Variants in DEUP1 observed in about 807,000 individuals in gnomAD.
DEUP1 encodes the protein coiled-coil domain containing 67.
DEUP1 carries 82 observed loss-of-function variants against 87.4 expected under a neutral mutation model. The ratio of observed to expected loss-of-function variants is 0.94; its 90% CI spans 0.78 to 1.13. The LOEUF is 1.13. Ranked by LOEUF, DEUP1 falls within the 50% of genes most tolerant of loss-of-function variation. The pLI is 0.00. For missense variants in DEUP1, 663 were observed against 681.5 expected, an observed-to-expected ratio of 0.97 and a Z score of 0.30; for synonymous variants, 214 against 222.7, an observed-to-expected ratio of 0.96 and a Z score of 0.35.
In DEUP1 at chr11:93,371,085, C is replaced by G; in HGVS notation, c.594C>G (p.Cys198Trp). Reference sequence around the variant, plus strand: ...CTCAACTAAATGGTAAAAAACAGTGCTTAGAAGACAGCAGCTCTGAAATTC... The same window carrying G: ...CTCAACTAAATGGTAAAAAACAGTGGTTAGAAGACAGCAGCTCTGAAATTC... ...YQTQLNGKKQ[C>W]LEDSSSEIPR... Residue 198 changes from cysteine to tryptophan, a missense_variant, in exon 7 of 14, where the codon TGC becomes TGG. By Grantham distance (215) the Cys-to-Trp change is radical (BLOSUM62 -2). Transcript: ENST00000298050. 1 of 1,612,220 alleles carries G rather than the reference C, an allele frequency of 6.2e-7. No individual in the cohort carries two copies. The highest frequency in any genetic ancestry group is 8.5e-7 in the Non-Finnish European group (1 of 1,178,898).
In DEUP1 at chr11:93,418,948, T is replaced by C. The variant is rs572259978; in HGVS notation, c.1638+3834T>C. Among the ~76,000 whole-genome samples, 1,151 of 149,622 alleles carry C rather than the reference T, an allele frequency of 7.7e-3. 15 individuals carry two copies. Among genetic ancestry groups the C allele is most frequent in the African/African-American group, 0.027 (1,072 of 40,272 alleles). On this transcript the variant is annotated intron_variant, in intron 13 of 13. Transcript: ENST00000298050. ...ATCGCAAGAACAAAAAACCAAACAC[T>C]GCATATTCTCACTCATAGGTGGGAA...
intron 4 of DEUP1, among the ~76,000 whole-genome samples, chr11:93,359,671 C>G (rs920099756): frequency 3.3e-5 from 5 of 152,068 alleles, no homozygotes; most frequent in Admixed American, 2.6e-4. Context: ...CTCTCTCCAG[C>G]CAAAAGACCA....
chr11:93,368,297 C>T (rs922250778), intron 5 of DEUP1, among the ~76,000 whole-genome samples: 1 of 152,214 alleles, frequency 6.6e-6, no homozygotes, highest in African/African-American at 2.4e-5. Context: ...GCATAAACAA[C>T]AGACATTTAT....
intron 7 of DEUP1, among the ~76,000 whole-genome samples, chr11:93,377,789 G>A (rs1946107812): frequency 6.6e-6 from 1 of 152,060 alleles, no homozygotes; most frequent in South Asian, 2.1e-4. Flanking sequence ...GCCTTTTAAT[G>A]TTGGCTTGGT....
chr11:93,350,007 C>A (rs1379592479), intron 2 of DEUP1, among the ~76,000 whole-genome samples: 1 of 152,032 alleles, frequency 6.6e-6, no homozygotes, highest in Non-Finnish European at 1.5e-5. Context: ...AAGTGGGGCA[C>A]CCTAGGGGAT....
At chr11:93,373,625 G>GTATATATATATATATATATATATATATA (rs1555048258) in intron 7 of DEUP1, among the ~76,000 whole-genome samples, 1 of 67,002 alleles carries the variant, frequency 1.5e-5, no homozygotes, top group African/African-American at 4.1e-5. Flanking sequence ...ATATATATAC[G>GTATATATATATATATATATATATATATA]TATATATATA....
chr11:93,345,931 A>G lies in DEUP1; in HGVS notation c.30-9440A>G, dbSNP rs144274450. On this transcript the variant is annotated intron_variant, in intron 2 of 13. Transcript: ENST00000298050. Reference sequence around the variant, plus strand: ...TGTCTTTGTTATGAAATTTTGGCCTATTCCTATGTCTAGAATAGTGATGCC... The same window carrying G: ...TGTCTTTGTTATGAAATTTTGGCCTGTTCCTATGTCTAGAATAGTGATGCC... 9.3e-3 allele frequency among the ~76,000 whole-genome samples: 1,420 copies of G among 152,180 alleles called. 9 individuals carry two copies. The highest frequency in any genetic ancestry group is 0.015 in the Non-Finnish European group (992 of 67,996).
At chr11:93,384,781 T>C (rs1439070299) in intron 7 of DEUP1, among the ~76,000 whole-genome samples, 4 of 152,260 alleles carry the variant, frequency 2.6e-5, no homozygotes, top group African/African-American at 9.6e-5. Flanking sequence ...TATGTTTCAT[T>C]CTTTCATATT....
chr11:93,386,262 T>TG (rs1214668209), intron 8 of DEUP1, among the ~76,000 whole-genome samples: 1 of 152,164 alleles, frequency 6.6e-6, no homozygotes, highest in Non-Finnish European at 1.5e-5. Flanking sequence ...AAACAGATTT[T>TG]TTTTTCTCTT....
At chr11:93,352,608 AGAT>A in intron 2 of DEUP1, 1 of 586,308 alleles carries the variant, frequency 1.7e-6, no homozygotes, top group Admixed American at 2.7e-5. Flanking sequence ...CTGCTGATAA[AGAT>A]GTACCTGAGA....
chr11:93,430,375 C>T (rs192110840), intron 13 of DEUP1, among the ~76,000 whole-genome samples: 27 of 152,064 alleles, frequency 1.8e-4, no homozygotes, highest in African/African-American at 5.3e-4. Context: ...GTGATATATA[C>T]ATACAATGGA....
chr11:93,397,201 T>C (rs1326989273), intron 11 of DEUP1, among the ~76,000 whole-genome samples: 1 of 152,194 alleles, frequency 6.6e-6, no homozygotes, highest in African/African-American at 2.4e-5. Context: ...CTCCTTAAGC[T>C]ATGATACTAT....
chr11:93,360,012 C>T (rs1358553369), intron 4 of DEUP1, among the ~76,000 whole-genome samples: 1 of 152,120 alleles, frequency 6.6e-6, no homozygotes. Context: ...GGCACCTCTC[C>T]CTGTCTACTC....
chr11:93,408,569 A>T, intron 12 of DEUP1, 142 bp downstream of exon 12: 3 of 564,852 alleles, frequency 5.3e-6, no homozygotes, highest in Non-Finnish European at 9.2e-6. Flanking sequence ...ATGAGTAGAT[A>T]ATGTAGGCTA....
chr11:93,433,773 G>A (rs1269899357), intron 13 of DEUP1, among the ~76,000 whole-genome samples: 9 of 152,166 alleles, frequency 5.9e-5, no homozygotes, highest in Non-Finnish European at 5.9e-5. Context: ...TAGGGAAGGG[G>A]AGGAAAATTA....
chr11:93,416,372 T>A (rs1317706170), intron 13 of DEUP1, among the ~76,000 whole-genome samples: 3 of 152,072 alleles, frequency 2.0e-5, no homozygotes, highest in African/African-American at 7.2e-5. Flanking sequence ...CCCACAGAAA[T>A]ACAAACTACC....
intron 2 of DEUP1, among the ~76,000 whole-genome samples, chr11:93,338,786 AT>A (rs1156277809): frequency 2.6e-5 from 4 of 152,354 alleles, no homozygotes; most frequent in African/African-American, 9.6e-5. Context: ...CAACAGGGAA[AT>A]AAAATATAAA....
intron 13 of DEUP1, among the ~76,000 whole-genome samples, chr11:93,429,931 G>A (rs1338700188): frequency 2.0e-5 from 3 of 152,016 alleles, no homozygotes; most frequent in South Asian, 4.2e-4. Context: ...AAAATCCTAC[G>A]GGAAGCCACT....
rs1323136328 is a variant in DEUP1, at chr11:93,396,345, C to T, written c.1326+20C>T. 2.9e-6 allele frequency: 4 copies of T among 1,394,456 alleles called. No individual in the cohort carries two copies. The South Asian group carries it at 5.4e-5, about 19-fold the overall frequency. 86.4% of individuals were successfully genotyped at this position (1,394,456 alleles called of 1,614,324 possible). ...TACATGGTAATATGCTGACATCATT[C>T]AATAAATTGAACAAAGAGATTACTG... On this transcript the variant is annotated intron_variant, in intron 11 of 13. Coordinates refer to ENST00000298050, the MANE Select transcript of DEUP1 (RefSeq NM_181645.4).
Sources: allele counts gnomAD v4.1 joint callset (sites outside exome capture counted in the v4.1 genomes callset), GRCh38; gene constraint gnomAD v4.1.1; transcripts MANE v1.5; gene names NCBI Gene and HGNC (gene_info 2026-07-23, HGNC 2026-07-21).